ARHGAP22: variants seen among roughly 807,000 people sequenced by gnomAD.
The protein encoded by ARHGAP22 is rho GTPase-activating protein 22.
ARHGAP22 carries 48 observed loss-of-function variants against 59.1 expected under a neutral mutation model. That is an observed-to-expected ratio of 0.81 (90% CI 0.64 to 1.03). The LOEUF is 1.03. Among genes scored for constraint, ARHGAP22 ranks in the 50% least tolerant of loss-of-function variants. The pLI is 0.00. For synonymous variants in ARHGAP22, 445 were observed against 416.4 expected (o/e 1.07, Z -0.84); for missense variants, 1,015 against 958.7 (o/e 1.06, Z -0.78).
At chr10:48,491,606 G>T (rs902576092) in intron 3 of ARHGAP22, among the ~76,000 whole-genome samples, 7 of 152,268 alleles carry the variant, frequency 4.6e-5, no homozygotes, top group African/African-American at 1.4e-4. Flanking sequence ...CTGGCATGGA[G>T]AGGACACGCA....
chr10:48,523,957 G>A, intron 3 of ARHGAP22: 2 of 1,112,144 alleles, frequency 1.8e-6, no homozygotes, highest in Non-Finnish European at 1.2e-6. Context: ...GCAGGTGCGG[G>A]CGGCCCTGGA....
intron 2 of ARHGAP22, among the ~76,000 whole-genome samples, chr10:48,557,837 G>A (rs947367108): frequency 3.3e-5 from 5 of 152,242 alleles, no homozygotes; most frequent in South Asian, 2.1e-4. Context: ...CTGGGACTGG[G>A]TGGGGGTTGG....
intron 2 of ARHGAP22, among the ~76,000 whole-genome samples, chr10:48,579,357 C>A (rs758400628): frequency 1.3e-5 from 2 of 152,178 alleles, no homozygotes; most frequent in Non-Finnish European, 2.9e-5. Flanking sequence ...ACATTCCAAA[C>A]ACAAGCTAAA....
At chr10:48,563,892 T>C (rs927564900) in intron 2 of ARHGAP22, among the ~76,000 whole-genome samples, 4 of 152,168 alleles carry the variant, frequency 2.6e-5, no homozygotes, top group Non-Finnish European at 1.5e-5. Flanking sequence ...ATAAATAAAA[T>C]ATGTTGTTAA....
intron 1 of ARHGAP22, among the ~76,000 whole-genome samples, chr10:48,602,136 C>A (rs1393806412): frequency 6.6e-6 from 1 of 152,170 alleles, no homozygotes; most frequent in Non-Finnish European, 1.5e-5. Flanking sequence ...AGCATGGGTG[C>A]ACAATAAATG....
intron 1 of ARHGAP22, among the ~76,000 whole-genome samples, chr10:48,614,573 C>G (rs915669521): frequency 6.6e-6 from 1 of 152,162 alleles, no homozygotes. Context: ...AAAATTCTGT[C>G]TCCTGTAGCA....
intron 3 of ARHGAP22, among the ~76,000 whole-genome samples, chr10:48,534,199 A>T (rs755877932): frequency 1.4e-4 from 22 of 152,222 alleles, no homozygotes; most frequent in Non-Finnish European, 2.9e-4. Flanking sequence ...GCAGCTCCAA[A>T]TTCCCACAGA....
chr10:48,533,880 T>C (rs1250019202), intron 3 of ARHGAP22, among the ~76,000 whole-genome samples: 1 of 152,238 alleles, frequency 6.6e-6, no homozygotes, highest in Admixed American at 6.5e-5. Flanking sequence ...AAGGAATGGA[T>C]GGGAATTCTC....
At chr10:48,590,662 C>G (rs2059697455) in intron 1 of ARHGAP22, among the ~76,000 whole-genome samples, 1 of 152,238 alleles carries the variant, frequency 6.6e-6, no homozygotes, top group Non-Finnish European at 1.5e-5. Flanking sequence ...ACAGGTCGCG[C>G]TGTGCCGGGC....
intron 1 of ARHGAP22, among the ~76,000 whole-genome samples, chr10:48,613,789 G>A (rs1004374899): frequency 1.3e-5 from 2 of 152,212 alleles, no homozygotes; most frequent in African/African-American, 4.8e-5. Context: ...TATGGTTTGA[G>A]TGTCTCCTCC....
rs1589378274 is a variant in ARHGAP22 at position 48,446,308 on chromosome 10, G to A, written c.*83C>T. The A allele has an allele frequency of 1.4e-6, 2 of 1,476,538 alleles. No homozygotes were observed. The highest frequency in any genetic ancestry group is 4.5e-5 in the East Asian group (2 of 44,138). 91.5% of individuals were successfully genotyped at this position (1,476,538 alleles called of 1,614,324 possible). On this transcript the variant is annotated 3_prime_UTR_variant, in exon 10 of 10. Coordinates refer to ENST00000249601, the MANE Select transcript of ARHGAP22 (RefSeq NM_021226.4). ...CCAGCTGGCTCCAGAGCGCCTGGCT[G>A]CTCCAGAGATACAGACGCTTCTAAC...
rs1033342954 is a variant in ARHGAP22 at position 48,649,928 on chromosome 10, T to C, written c.52+2306A>G. 2.7e-5 allele frequency among the ~76,000 whole-genome samples: 4 copies of C among 150,042 alleles called. 1 individual carries two copies. The highest frequency in any genetic ancestry group is 1.5e-5 in the Non-Finnish European group (1 of 67,722). ...TTCATTTGCCCTCAATCCTTGAAAATGACAGTTAAAAGCAAACTTAAGTTT... is the reference window on the plus strand; with the variant it reads ...TTCATTTGCCCTCAATCCTTGAAAACGACAGTTAAAAGCAAACTTAAGTTT... On this transcript the variant is annotated intron_variant, in intron 1 of 9. Coordinates refer to the ARHGAP22 transcript ENST00000435790.
chr10:48,517,261 C>T (rs1816888), intron 3 of ARHGAP22, among the ~76,000 whole-genome samples: 79,629 of 152,026 alleles, frequency 0.52, 23,804 homozygotes, highest in Middle Eastern at 0.75. Context: ...ACATGAAATA[C>T]ACCTCAATAC....
chr10:48,530,772 G>T (rs767885155), intron 3 of ARHGAP22, among the ~76,000 whole-genome samples: 1 of 152,286 alleles, frequency 6.6e-6, no homozygotes, highest in South Asian at 2.1e-4. Flanking sequence ...AAATAAAATA[G>T]ATGTTGGCGT....
At chr10:48,543,020 G>A (rs2056106423) in intron 3 of ARHGAP22, among the ~76,000 whole-genome samples, 1 of 152,176 alleles carries the variant, frequency 6.6e-6, no homozygotes, top group African/African-American at 2.4e-5. Flanking sequence ...TGGTGGGAGA[G>A]GGACCTGGCT....
At chr10:48,571,626 C>T (rs1285029365) in intron 2 of ARHGAP22, among the ~76,000 whole-genome samples, 1 of 152,226 alleles carries the variant, frequency 6.6e-6, no homozygotes, top group Non-Finnish European at 1.5e-5. Context: ...TTGTTTCAAT[C>T]ATCTACTGCT....
downstream of ARHGAP22, among the ~76,000 whole-genome samples, chr10:48,441,390 C>G (rs534147564): frequency 6.7e-6 from 1 of 149,906 alleles, no homozygotes; most frequent in South Asian, 2.1e-4. Flanking sequence ...ATGACAGTGT[C>G]TTGAGAGAAG....
At chr10:48,641,010 G>A (rs1428780961) in intron 1 of ARHGAP22, among the ~76,000 whole-genome samples, 1 of 152,118 alleles carries the variant, frequency 6.6e-6, no homozygotes, top group African/African-American at 2.4e-5. Flanking sequence ...TGGAGCAAAA[G>A]TTTGTGCATT....
chr10:48,479,560 G>A (rs113304818), intron 4 of ARHGAP22, 76 bp downstream of exon 4: 3 of 1,609,866 alleles, frequency 1.9e-6, no homozygotes, highest in African/African-American at 2.7e-5. Context: ...GGTCTTTGGG[G>A]CTCAGGACAG....
Sources: gnomAD v4.1 joint callset for allele counts (sites outside exome capture counted in the v4.1 genomes callset) on GRCh38, gnomAD v4.1.1 for gene constraint, MANE v1.5 for transcripts, NCBI Gene and HGNC (gene_info 2026-07-23, HGNC 2026-07-21) for gene names.